Variants in PDE1C observed in about 807,000 individuals in gnomAD.
PDE1C encodes the protein phosphodiesterase 1C, also known as dual specificity calcium/calmodulin-dependent 3',5'-cyclic nucleotide phosphodiesterase 1C.
PDE1C carries 62 observed loss-of-function variants against 93.1 expected under a neutral mutation model. The observed-to-expected ratio is 0.67, with a 90% confidence interval of 0.54 to 0.82. The LOEUF is 0.82. Among genes scored for constraint, PDE1C ranks in the 40% least tolerant of loss-of-function variants. PDE1C has a pLI of 0.00. For missense variants in PDE1C, 742 were observed against 884.6 expected (o/e 0.84, Z 2.04); for synonymous variants, 325 against 310.1 (o/e 1.05, Z -0.50).
At chr7:32,143,196 A>C (rs2128782121) in intron 3 of PDE1C, among the ~76,000 whole-genome samples, 1 of 152,066 alleles carries the variant, frequency 6.6e-6, no homozygotes, top group South Asian at 2.1e-4. Flanking sequence ...AAGAAAGTTC[A>C]GGTCATACCA....
At chr7:32,267,621 C>CTCTCT (rs1212650805) in intron 1 of PDE1C, among the ~76,000 whole-genome samples, 5 of 143,126 alleles carry the variant, frequency 3.5e-5, no homozygotes, top group Non-Finnish European at 6.2e-5. Flanking sequence ...CTCTCTCTCT[C>CTCTCT]TCTAACAGCC....
rs1358366781 is a variant in PDE1C, at chr7:31,878,046, CA to C, written c.426-11del. 6.2e-7 allele frequency: 1 copy of C among 1,602,710 alleles called. No homozygotes were observed. The highest frequency in any genetic ancestry group is 1.1e-5 in the South Asian group (1 of 90,252). On this transcript the variant is annotated splice_polypyrimidine_tract_variant and intron_variant, in intron 4 of 17. Coordinates refer to ENST00000396191, the MANE Select transcript of PDE1C (RefSeq NM_001191057.4). ...TGTCCGTCTATACATTCTGAAAAGC[CA>C]AAAGGGAAAAATGCAACATGATATC...
At chr7:31,761,716 A>G (rs1438298541) in intron 17 of PDE1C, among the ~76,000 whole-genome samples, 1 of 152,186 alleles carries the variant, frequency 6.6e-6, no homozygotes, top group East Asian at 1.9e-4. Context: ...CTAAGCCTTC[A>G]GGAATTGTTT....
chr7:32,131,991 A>C (rs1799943405), intron 3 of PDE1C, among the ~76,000 whole-genome samples: 2 of 152,184 alleles, frequency 1.3e-5, no homozygotes, highest in South Asian at 4.1e-4. Flanking sequence ...GAAATGATTT[A>C]ACAGACAATG....
chr7:31,626,731 T>C, the PDE1C span, among the ~76,000 whole-genome samples: 1 of 152,220 alleles, frequency 6.6e-6, no homozygotes, highest in East Asian at 1.9e-4. Context: ...GTGGCAGTTT[T>C]CATCTTTATA....
At chr7:31,789,530 G>T in intron 16 of PDE1C, 2 of 480,786 alleles carry the variant, frequency 4.2e-6, no homozygotes, top group Non-Finnish European at 5.4e-6. Flanking sequence ...ACAGTCACCA[G>T]CTGAACATTC....
intron 3 of PDE1C, among the ~76,000 whole-genome samples, chr7:32,132,401 C>T (rs549556614): frequency 1.3e-5 from 2 of 152,210 alleles, no homozygotes; most frequent in Admixed American, 6.5e-5. Flanking sequence ...CAGTGGCTCA[C>T]GCCTGTAATC....
chr7:32,334,280 T>A (rs547209320), intron 1 of PDE1C, among the ~76,000 whole-genome samples: 85 of 152,348 alleles, frequency 5.6e-4, no homozygotes, highest in African/African-American at 1.9e-3. Context: ...TTTGGATTAA[T>A]ATGTCCTTTA....
intron 1 of PDE1C, among the ~76,000 whole-genome samples, chr7:32,414,583 T>C (rs1662401126): frequency 6.6e-6 from 1 of 152,250 alleles, no homozygotes. Context: ...CAACTCATTC[T>C]GACATATTAA....
chr7:32,378,530 C>T (rs754101887), intron 1 of PDE1C, among the ~76,000 whole-genome samples: 18 of 152,186 alleles, frequency 1.2e-4, no homozygotes, highest in Non-Finnish European at 2.5e-4. Flanking sequence ...TAAATGATTA[C>T]CAGCCATTAT....
intron 3 of PDE1C, among the ~76,000 whole-genome samples, chr7:32,134,811 G>A (rs763831338): frequency 2.0e-5 from 3 of 152,114 alleles, no homozygotes; most frequent in Non-Finnish European, 4.4e-5. Flanking sequence ...TAATGCATGT[G>A]GGGCTTAAAG....
chr7:32,095,586 A>G (rs56040508), intron 3 of PDE1C, among the ~76,000 whole-genome samples: 28,268 of 152,162 alleles, frequency 0.19, 3,208 homozygotes, highest in Middle Eastern at 0.29. Flanking sequence ...GGTTCTTATT[A>G]TATTTCTCCA....
At chr7:31,790,167 G>A (rs564025901) in intron 16 of PDE1C, 393 of 1,601,940 alleles carry the variant, frequency 2.5e-4, no homozygotes, top group Non-Finnish European at 3.2e-4. Flanking sequence ...GTGGAAGAAG[G>A]AGAAGAAGGA....
intron 16 of PDE1C, among the ~76,000 whole-genome samples, chr7:31,780,726 C>G (rs1237295440): frequency 6.6e-6 from 1 of 152,082 alleles, no homozygotes; most frequent in Non-Finnish European, 1.5e-5. Context: ...CTGTGTCATA[C>G]AACACAGTTT....
At position 32,056,681 on chromosome 7, in the gene PDE1C, G is replaced by A. The variant is rs78150539; in HGVS notation, c.102-5101C>T. Among the ~76,000 whole-genome samples, 168 of 152,262 alleles carry A rather than the reference G, an allele frequency of 1.1e-3. 1 individual carries two copies. Among genetic ancestry groups the A allele is most frequent in the African/African-American group, 2.1e-3 (87 of 41,546 alleles). On this transcript the variant is annotated intron_variant, in intron 1 of 17. Coordinates refer to ENST00000396191, the MANE Select transcript of PDE1C (RefSeq NM_001191057.4). ...CTGGGCATCCTGGAAATGCTCAAGCGTCAGCTACTGTACTAAAAACAGTAG... is the reference window on the plus strand; with the variant it reads ...CTGGGCATCCTGGAAATGCTCAAGCATCAGCTACTGTACTAAAAACAGTAG...
At chr7:31,858,057 C>T (rs950194826) in intron 7 of PDE1C, among the ~76,000 whole-genome samples, 62 of 152,076 alleles carry the variant, frequency 4.1e-4, no homozygotes, top group African/African-American at 1.3e-3. Flanking sequence ...ATTAAAATAC[C>T]GAAAGACTGG....
the PDE1C span, among the ~76,000 whole-genome samples, chr7:31,711,094 A>C: frequency 2.6e-5 from 4 of 152,192 alleles, no homozygotes; most frequent in Non-Finnish European, 5.9e-5. Context: ...CTTCCTGAGA[A>C]GGAACAACAG....
At position 32,100,311 on chromosome 7, in the gene PDE1C, G is replaced by A. The variant is rs1563312682; in HGVS notation, c.308+69474C>T. On this transcript the variant is annotated intron_variant, in intron 3 of 18. Coordinates refer to the PDE1C transcript ENST00000396193. ...GTGGAATAAATTCTGCTATGCTTGA[G>A]AGAAAAATAAATCCATAGTTCTAGT... Among the ~76,000 whole-genome samples, 3 of 152,200 alleles carry A rather than the reference G, an allele frequency of 2.0e-5. No homozygotes were observed. The South Asian group carries it at 6.2e-4, about 32-fold the overall frequency.
At chr7:31,954,902 A>G (rs1407603708) in intron 2 of PDE1C, among the ~76,000 whole-genome samples, 3 of 152,212 alleles carry the variant, frequency 2.0e-5, no homozygotes, top group Admixed American at 1.3e-4. Flanking sequence ...TTGAATGTTG[A>G]TTCTGGGTAA....
Sources: gnomAD v4.1 joint callset for allele counts (sites outside exome capture counted in the v4.1 genomes callset) on GRCh38, gnomAD v4.1.1 for gene constraint, MANE v1.5 for transcripts, NCBI Gene and HGNC (gene_info 2026-07-23, HGNC 2026-07-21) for gene names.